The following MED13 variants were observed in gnomAD, a reference collection of about 807,000 sequenced individuals.
MED13 encodes the protein mediator complex subunit 13.
MED13 carries 23 observed loss-of-function variants against 225.2 expected under a neutral mutation model. That is an observed-to-expected ratio of 0.10 (90% confidence interval 0.07 to 0.14). The LOEUF (loss-of-function observed/expected upper bound fraction) is 0.14. Among genes scored for constraint, MED13 ranks in the 10% least tolerant of loss-of-function variants. MED13 has a pLI of 1.00. For synonymous variants in MED13, 942 were observed against 889.2 expected (o/e 1.06, Z -1.06); for missense variants, 2,197 against 2,594.5 (o/e 0.85, Z 3.33).
chr17:62,011,570 A>G (rs954136207), intron 8 of MED13, among the ~76,000 whole-genome samples: 2 of 152,216 alleles, frequency 1.3e-5, no homozygotes, highest in African/African-American at 4.8e-5. Context: ...AAGGTATAAC[A>G]AGGCTTGAAA....
At chr17:61,953,447 A>G (rs571506756) in intron 26 of MED13, among the ~76,000 whole-genome samples, 6 of 152,188 alleles carry the variant, frequency 3.9e-5, no homozygotes, top group Non-Finnish European at 8.8e-5. Context: ...GGTGGGTCCA[A>G]TGTAATCACA....
intron 9 of MED13, among the ~76,000 whole-genome samples, chr17:61,996,183 G>GCT (rs1271969973): frequency 6.6e-6 from 1 of 152,164 alleles, no homozygotes; most frequent in Non-Finnish European, 1.5e-5. Flanking sequence ...GAAGCAAGCT[G>GCT]ATCTATACCA....
chr17:62,053,985 C>G (rs1306323075), intron 2 of MED13, among the ~76,000 whole-genome samples: 1 of 152,116 alleles, frequency 6.6e-6, no homozygotes, highest in African/African-American at 2.4e-5. Context: ...TCTTTCAAAG[C>G]AACTAATTTT....
chr17:61,987,853 G>A (rs959918186), intron 11 of MED13, among the ~76,000 whole-genome samples: 1 of 151,814 alleles, frequency 6.6e-6, no homozygotes, highest in African/African-American at 2.4e-5. Context: ...TCGGGTTCAA[G>A]CAATCCTCCC....
chr17:62,008,016 C>CTAAAAA (rs2080468675), intron 9 of MED13, among the ~76,000 whole-genome samples: 1 of 50,510 alleles, frequency 2.0e-5, no homozygotes, highest in Non-Finnish European at 3.9e-5. Context: ...GAGACTGTCT[C>CTAAAAA]AAAAAAAAAA....
chr17:61,955,180 T>C, intron 26 of MED13: 1 of 390,354 alleles, frequency 2.6e-6, no homozygotes, highest in Non-Finnish European at 4.5e-6. Flanking sequence ...TTCTGCCTCC[T>C]TCTTATAAGA....
At chr17:62,022,215 T>C (rs1174192262) in intron 8 of MED13, among the ~76,000 whole-genome samples, 1 of 150,512 alleles carries the variant, frequency 6.6e-6, no homozygotes, top group Non-Finnish European at 1.5e-5. Flanking sequence ...ACAAATTATC[T>C]GCCTCACTTC....
rs2080628053 is a variant in MED13 at position 62,020,354 on chromosome 17, G to A, written c.1284-9121C>T. Reference sequence around the variant, plus strand: ...TATGAATACATCATTGAGACTTTCTGTAACCCACTTTATACTGTAGTTTGC... The same window carrying A: ...TATGAATACATCATTGAGACTTTCTATAACCCACTTTATACTGTAGTTTGC... On this transcript the variant is annotated intron_variant, in intron 8 of 29. Transcript: ENST00000397786. Among the ~76,000 whole-genome samples, 7 of 151,898 alleles carry A rather than the reference G, an allele frequency of 4.6e-5. No individual in the cohort carries two copies. In the South Asian group the frequency reaches 1.2e-3, roughly 27 times the overall value.
chr17:62,064,241 G>C (rs570462327), intron 1 of MED13, among the ~76,000 whole-genome samples: 1 of 152,320 alleles, frequency 6.6e-6, no homozygotes, highest in Non-Finnish European at 1.5e-5. Context: ...CATTGATGAA[G>C]CTCAGCTACT....
At position 61,943,467 on chromosome 17, in the gene MED13, A is replaced by C. The variant is rs925954038; in HGVS notation, c.*3001T>G. On this transcript the variant is annotated 3_prime_UTR_variant, in exon 30 of 30. Coordinates refer to ENST00000397786, the MANE Select transcript of MED13 (RefSeq NM_005121.3). ...AAATTACCTCAGAAGGTAAATATGA[A>C]GACGAAAGGAGAATATTTTAATACA... is the stretch of plus-strand genomic sequence containing the variant. 2 of 152,616 alleles carry C rather than the reference A, an allele frequency of 1.3e-5. No individual in the cohort carries two copies. The highest frequency in any genetic ancestry group is 1.5e-5 in the Non-Finnish European group (1 of 67,996). 9.5% of individuals were successfully genotyped at this position (152,616 alleles called of 1,614,324 possible).
At chr17:61,992,677 C>A in intron 10 of MED13, 56 bp from the exon 11 acceptor site, 2 of 1,263,816 alleles carry the variant, frequency 1.6e-6, no homozygotes, top group Non-Finnish European at 2.3e-6. Flanking sequence ...ACAATAAAAT[C>A]TACCAATTAT....
At chr17:61,960,636 G>C (rs532101026) in intron 23 of MED13, among the ~76,000 whole-genome samples, 1 of 152,100 alleles carries the variant, frequency 6.6e-6, no homozygotes, top group East Asian at 1.9e-4. Context: ...TGACACAGAA[G>C]TTAGTGACCT....
chr17:62,016,505 T>A (rs907695135), intron 8 of MED13, among the ~76,000 whole-genome samples: 6 of 152,186 alleles, frequency 3.9e-5, no homozygotes, highest in African/African-American at 1.2e-4. Flanking sequence ...TCTACCTAAT[T>A]TATAAAGCTG....
At chr17:62,015,088 A>G (rs1238461270) in intron 8 of MED13, among the ~76,000 whole-genome samples, 1 of 152,184 alleles carries the variant, frequency 6.6e-6, no homozygotes, top group Non-Finnish European at 1.5e-5. Context: ...GAGACAACTA[A>G]AAGGAGAGAT....
chr17:61,976,235 G>C (rs2080155142), intron 16 of MED13, among the ~76,000 whole-genome samples: 1 of 152,102 alleles, frequency 6.6e-6, no homozygotes, highest in Non-Finnish European at 1.5e-5. Flanking sequence ...TGGCAATAAA[G>C]TACTAATATG....
chr17:62,048,043 C>CATATACATATATATATAT (rs776069700), intron 3 of MED13, among the ~76,000 whole-genome samples: 50 of 131,096 alleles, frequency 3.8e-4, no homozygotes, highest in East Asian at 2.5e-3. Context: ...TATACATATA[C>CATATACATATATATATAT]ATATATATAT....
At chr17:62,046,919 A>C (rs573510141) in intron 3 of MED13, among the ~76,000 whole-genome samples, 2 of 151,738 alleles carry the variant, frequency 1.3e-5, no homozygotes, top group African/African-American at 4.8e-5. Context: ...ACAACAGCAC[A>C]ATCCTAACTC....
chr17:61,972,743 A>T lies in MED13; in HGVS notation c.3951T>A (p.Ala1317=). Residue 1317 remains alanine, a synonymous_variant, in exon 17 of 30, where the codon GCT becomes GCA. Transcript: ENST00000397786. ...ATTACTTACCATAAGAGCCTCGGCC[A>T]GCCATTTTATGAAATTGTTGCCAAG... The part of the protein sequence containing the change: ...PLTWQQFHKM[A]GRGSYGTDES... The T allele has an allele frequency of 6.2e-7, 1 of 1,611,226 alleles. No individual in the cohort carries two copies. The highest frequency in any genetic ancestry group is 8.5e-7 in the Non-Finnish European group (1 of 1,179,304).
At chr17:61,987,236 A>C in intron 11 of MED13, 108 bp from the exon 12 acceptor site, 1 of 563,876 alleles carries the variant, frequency 1.8e-6, no homozygotes, top group African/African-American at 2.0e-5. Context: ...GGAGTTCAGG[A>C]CCAGCCTGGC....
Sources: gnomAD v4.1 joint callset for allele counts (sites outside exome capture counted in the v4.1 genomes callset) on GRCh38, gnomAD v4.1.1 for gene constraint, MANE v1.5 for transcripts, NCBI Gene and HGNC (gene_info 2026-07-23, HGNC 2026-07-21) for gene names.